The following OPCML variants were observed in gnomAD, a reference collection of about 807,000 sequenced individuals.
OPCML encodes the protein opioid binding protein/cell adhesion molecule like, also known as opioid-binding protein/cell adhesion molecule.
OPCML carries 13 observed loss-of-function variants against 37.8 expected under a neutral mutation model. That is an observed-to-expected ratio of 0.34 (90% CI 0.22 to 0.55). The LOEUF is 0.55. Among genes scored for constraint, OPCML ranks in the 20% least tolerant of loss-of-function variants. The pLI, the probability that OPCML is intolerant of heterozygous loss-of-function variation, is 0.91. For missense variants in OPCML, 341 were observed against 435.6 expected, an observed-to-expected ratio of 0.78 and a Z score of 1.93; for synonymous variants, 176 against 168.8, an observed-to-expected ratio of 1.04 and a Z score of -0.33.
intron 2 of OPCML, among the ~76,000 whole-genome samples, chr11:132,755,618 T>C (rs1392067660): frequency 2.6e-5 from 4 of 152,244 alleles, no homozygotes; most frequent in South Asian, 2.1e-4. Flanking sequence ...GTGTGGTTCA[T>C]GGATTCATTT....
intron 2 of OPCML, among the ~76,000 whole-genome samples, chr11:132,865,392 A>G (rs1942491903): frequency 6.6e-6 from 1 of 152,192 alleles, no homozygotes; most frequent in South Asian, 2.1e-4. Context: ...AACACTGTAA[A>G]AACTCCATGA....
At chr11:132,636,486 T>C (rs997876414) in intron 3 of OPCML, among the ~76,000 whole-genome samples, 17 of 152,234 alleles carry the variant, frequency 1.1e-4, no homozygotes, top group Admixed American at 1.0e-3. Context: ...GAATACATGC[T>C]GGCATAGGGA....
chr11:133,297,154 G>A (rs1942650764), intron 1 of OPCML: 1 of 152,142 alleles, frequency 6.6e-6, no homozygotes, highest in Non-Finnish European at 1.5e-5. Context: ...GGTCTCTCCT[G>A]AAGAAGCTCA....
intron 1 of OPCML, among the ~76,000 whole-genome samples, chr11:133,263,792 GA>G (rs1941564699): frequency 6.6e-6 from 1 of 152,068 alleles, no homozygotes; most frequent in Non-Finnish European, 1.5e-5. Context: ...ACAGGAGCTA[GA>G]AAAAAATAAC....
At chr11:133,417,994 A>T in intron 1 of OPCML, 1 of 849,116 alleles carries the variant, frequency 1.2e-6, no homozygotes, top group Non-Finnish European at 1.4e-6. Context: ...GTTCCTTGCG[A>T]GACGTAGGCA....
intron 1 of OPCML, among the ~76,000 whole-genome samples, chr11:133,134,414 G>A (rs919071627): frequency 1.3e-5 from 2 of 152,202 alleles, no homozygotes; most frequent in Non-Finnish European, 2.9e-5. Context: ...AGGGACTGAG[G>A]CACCTCTGTC....
At chr11:132,899,976 G>A (rs938454583) in intron 2 of OPCML, among the ~76,000 whole-genome samples, 1 of 152,082 alleles carries the variant, frequency 6.6e-6, no homozygotes, top group African/African-American at 2.4e-5. Context: ...AACACTACTG[G>A]CATTCCAGGG....
At chr11:132,917,819 A>G (rs1007292984) in intron 2 of OPCML, among the ~76,000 whole-genome samples, 10 of 152,086 alleles carry the variant, frequency 6.6e-5, no homozygotes, top group African/African-American at 2.4e-4. Flanking sequence ...GGTGGTGATT[A>G]ATGTAATTGG....
At chr11:132,711,992 G>T (rs1944281612) in intron 2 of OPCML, among the ~76,000 whole-genome samples, 1 of 152,150 alleles carries the variant, frequency 6.6e-6, no homozygotes, top group Non-Finnish European at 1.5e-5. Flanking sequence ...CTCACAATTG[G>T]CAGAGCCTGC....
chr11:132,441,170 T>TTTTTTTTTTTTTTTTTTTTTG (rs1448869073), intron 4 of OPCML, among the ~76,000 whole-genome samples: 2 of 113,560 alleles, frequency 1.8e-5, no homozygotes. Flanking sequence ...TTTTTGTTTT[T>TTTTTTTTTTTTTTTTTTTTTG]TTTTTTTTTT....
chr11:133,052,170 T>A (rs976177920), intron 1 of OPCML, among the ~76,000 whole-genome samples: 1 of 152,192 alleles, frequency 6.6e-6, no homozygotes, highest in Non-Finnish European at 1.5e-5. Context: ...ATACCCTATT[T>A]CCAAATAAAC....
chr11:132,556,397 G>T (rs548735549), intron 3 of OPCML, among the ~76,000 whole-genome samples: 19 of 152,252 alleles, frequency 1.2e-4, no homozygotes, highest in East Asian at 5.8e-4. Context: ...CAGGGTGTTT[G>T]CTTCTAATTA....
chr11:133,080,435 C>T (rs945293620), intron 1 of OPCML, among the ~76,000 whole-genome samples: 2 of 150,094 alleles, frequency 1.3e-5, no homozygotes, highest in Admixed American at 1.3e-4. Context: ...ATACTTGCAG[C>T]GGCACCGTGA....
intron 1 of OPCML, among the ~76,000 whole-genome samples, chr11:133,381,101 G>C (rs796211288): frequency 2.4e-4 from 36 of 152,374 alleles, no homozygotes; most frequent in African/African-American, 8.4e-4. Flanking sequence ...AGCCTGACAG[G>C]CTCCGCATGA....
intron 2 of OPCML, among the ~76,000 whole-genome samples, chr11:132,918,202 T>C (rs1481198852): frequency 2.0e-5 from 3 of 152,222 alleles, no homozygotes; most frequent in African/African-American, 7.2e-5. Flanking sequence ...TGTATCCCTT[T>C]TTTCTAGTAC....
At chr11:133,204,890 A>ATATATGTGTATATATATATATATATGTG (rs1555114239) in intron 1 of OPCML, among the ~76,000 whole-genome samples, 1 of 131,982 alleles carries the variant, frequency 7.6e-6, no homozygotes. Flanking sequence ...ATATATATAT[A>ATATATGTGTATATATATATATATATGTG]TATATATATA....
chr11:132,557,083 A>G (rs761169062), intron 3 of OPCML, among the ~76,000 whole-genome samples: 5 of 152,212 alleles, frequency 3.3e-5, no homozygotes, highest in Non-Finnish European at 5.9e-5. Context: ...TTCTTACCCT[A>G]GTTGACTGGG....
intron 2 of OPCML, among the ~76,000 whole-genome samples, chr11:132,807,974 G>A (rs1939111920): frequency 6.6e-6 from 1 of 152,190 alleles, no homozygotes; most frequent in Non-Finnish European, 1.5e-5. Context: ...CGTATTACAT[G>A]AGTAAATGTA....
intron 2 of OPCML, among the ~76,000 whole-genome samples, chr11:132,781,234 G>A (rs1946998445): frequency 6.6e-6 from 1 of 152,118 alleles, no homozygotes. Flanking sequence ...TCTCGAATAG[G>A]TGGGCTGAGT....
Sources: gnomAD v4.1 joint callset for allele counts (sites outside exome capture counted in the v4.1 genomes callset) on GRCh38, gnomAD v4.1.1 for gene constraint, MANE v1.5 for transcripts, NCBI Gene and HGNC (gene_info 2026-07-23, HGNC 2026-07-21) for gene names.